Variants in CENPM observed in about 807,000 individuals in gnomAD.
CENPM encodes the protein interphase centromere complex protein 39.
Under a neutral mutation model 19.6 loss-of-function variants are expected in CENPM, and 14 were observed. The ratio of observed to expected loss-of-function variants is 0.71; its 90% CI spans 0.47 to 1.11. The LOEUF is 1.11. CENPM is among the 50% of genes most tolerant of loss of function. The pLI, the probability that CENPM is intolerant of heterozygous loss-of-function variation, is 0.00. For synonymous variants in CENPM, 114 were observed against 101.5 expected, an observed-to-expected ratio of 1.12 and a Z score of -0.74; for missense variants, 239 against 228.4, an observed-to-expected ratio of 1.05 and a Z score of -0.30.
In CENPM at chr22:41,939,008, G is replaced by C. The variant is rs2077699719; in HGVS notation, c.*48C>G. 1.3e-5 allele frequency: 21 copies of C among 1,603,242 alleles called. No homozygotes were observed. Among genetic ancestry groups the C allele is most frequent in the Non-Finnish European group, 1.8e-5 (21 of 1,174,522 alleles). On this transcript the variant is annotated 3_prime_UTR_variant, in exon 6 of 6. Transcript: ENST00000215980. ...ACATCCTCAACAGAGAATGTTTATG[G>C]AGTCAGCACGAAGCCATGAGAAGGG...
At chr22:41,946,548 G>A in intron 1 of CENPM, 52 bp from the exon 2 acceptor site, 2 of 1,507,828 alleles carry the variant, frequency 1.3e-6, no homozygotes, top group Non-Finnish European at 1.8e-6. Flanking sequence ...GCACCCCCTG[G>A]GGAGGGCCTG....
At chr22:41,942,547 G>A (rs1256578105) in intron 5 of CENPM, among the ~76,000 whole-genome samples, 6 of 152,086 alleles carry the variant, frequency 3.9e-5, no homozygotes, top group Admixed American at 3.9e-4. Flanking sequence ...TCAGGAGATT[G>A]AGACCATCCT....
intron 5 of CENPM, chr22:41,940,233 A>T (rs73165147): frequency 2.8e-6 from 2 of 726,062 alleles, no homozygotes; most frequent in Middle Eastern, 2.3e-4. Flanking sequence ...TACTTCCTTC[A>T]GGTCTTTATT....
At chr22:41,938,144 T>TC (rs1347351244), downstream of CENPM, among the ~76,000 whole-genome samples, 18 of 147,924 alleles carry the variant, frequency 1.2e-4, no homozygotes, top group Non-Finnish European at 2.2e-4. Flanking sequence ...GCCCAGCATT[T>TC]TTTTTTTTTT....
At chr22:41,932,110 G>A in the CENPM span, among the ~76,000 whole-genome samples, 2 of 151,948 alleles carry the variant, frequency 1.3e-5, no homozygotes, top group African/African-American at 4.8e-5. This position sits in a 1 kb window ranked among gnomAD's most constrained non-coding sequence, Gnocchi z 4.3. Flanking sequence ...CCAGGAATGG[G>A]GTCAGCAGTG....
intron 5 of CENPM, chr22:41,940,182 CT>C: frequency 1.3e-6 from 1 of 767,166 alleles, no homozygotes; most frequent in Non-Finnish European, 2.4e-6. Flanking sequence ...CATGCACTTG[CT>C]GTTCCTCCTT....
chr22:41,933,746 G>T (rs916724964), downstream of CENPM, among the ~76,000 whole-genome samples: 1 of 152,192 alleles, frequency 6.6e-6, no homozygotes, highest in Non-Finnish European at 1.5e-5. Context: ...GGGTACACTG[G>T]AGGGGAGGGG....
chr22:41,929,381 G>T, the CENPM span, among the ~76,000 whole-genome samples: 1 of 152,220 alleles, frequency 6.6e-6, no homozygotes, highest in Admixed American at 6.5e-5. Flanking sequence ...ACTGAGGCTT[G>T]TGGGAACCCA....
chr22:41,932,672 A>T, the CENPM span, among the ~76,000 whole-genome samples: 3 of 152,182 alleles, frequency 2.0e-5, no homozygotes, highest in South Asian at 6.2e-4. This position sits in a 1 kb window ranked among gnomAD's most constrained non-coding sequence, Gnocchi z 4.3. Context: ...GGCAGACCAC[A>T]GCCCTTTAGC....
At chr22:41,936,616 G>A (rs534295480), downstream of CENPM, among the ~76,000 whole-genome samples, 5 of 152,310 alleles carry the variant, frequency 3.3e-5, no homozygotes, top group South Asian at 2.1e-4. Context: ...GCCCAGCTGC[G>A]ATGGTGACAT....
rs565708134 is a variant in CENPM, at chr22:41,944,670, A to C, written c.310+555T>G. 25 of 985,314 alleles carry C rather than the reference A, an allele frequency of 2.5e-5. No individual in the cohort carries two copies. In the South Asian group the frequency reaches 1.1e-3, roughly 44 times the overall value. 61.0% of individuals were successfully genotyped at this position (985,314 alleles called of 1,614,324 possible). A position where few individuals can be genotyped will look rare whatever the true frequency, so the allele number is the denominator to read the frequency against. On this transcript the variant is annotated intron_variant, in intron 4 of 5. Transcript: ENST00000215980. ...TATTATTTTCACTGTTAATATTACA[A>C]AGTCTCAGGAACAGCAGGACTTTTT...
chr22:41,946,556 C>G, intron 1 of CENPM, 60 bp from the exon 2 acceptor site: 2 of 1,462,136 alleles, frequency 1.4e-6, no homozygotes, highest in South Asian at 1.2e-5. Context: ...TGGGGAGGGC[C>G]TGGCCCTTCG....
Position 41,945,309 on chromosome 22 carries a change from G to C in CENPM, c.231-5C>G. On this transcript the variant is annotated splice_region_variant and splice_polypyrimidine_tract_variant and intron_variant, in intron 3 of 5. Coordinates refer to ENST00000215980, the MANE Select transcript of CENPM (RefSeq NM_024053.5). ...GACTCCTCTGTGTTCTGGAGACTGG[G>C]GTGGCCAGGCCAGGGTGAGAAAACA... The C allele has an allele frequency of 6.2e-7, 1 of 1,613,950 alleles. No individual in the cohort carries two copies. Among genetic ancestry groups the C allele is most frequent in the Non-Finnish European group, 8.5e-7 (1 of 1,179,988 alleles).
At chr22:41,942,945 GACA>G (rs150317302) in intron 5 of CENPM, among the ~76,000 whole-genome samples, 71 of 151,474 alleles carry the variant, frequency 4.7e-4, no homozygotes, top group Admixed American at 3.3e-4. Context: ...AAACAATAAC[GACA>G]ACAACAACAA....
At chr22:41,945,165 C>A in intron 4 of CENPM, 60 bp downstream of exon 4, 1 of 1,610,990 alleles carries the variant, frequency 6.2e-7, no homozygotes, top group Non-Finnish European at 8.5e-7. Flanking sequence ...AAGAAGCCTA[C>A]GGCCGCCCCA....
intron 4 of CENPM, 127 bp downstream of exon 4, chr22:41,945,097 CG>C: frequency 6.5e-7 from 1 of 1,544,910 alleles, no homozygotes. Context: ...CTCCACCCTC[CG>C]ATAGGCCCCA....
the CENPM span, among the ~76,000 whole-genome samples, chr22:41,931,197 G>A: frequency 6.6e-6 from 1 of 151,540 alleles, no homozygotes; most frequent in Non-Finnish European, 1.5e-5. Flanking sequence ...GGCCTGGTGT[G>A]GTGGCTCATG....
downstream of CENPM, among the ~76,000 whole-genome samples, chr22:41,933,993 C>T (rs1249401776): frequency 6.6e-6 from 1 of 152,230 alleles, no homozygotes; most frequent in African/African-American, 2.4e-5. Context: ...CCTCACAAGA[C>T]CTGAAAAGGG....
chr22:41,946,734 T>G (rs2077809240), intron 1 of CENPM: 1 of 594,002 alleles, frequency 1.7e-6, no homozygotes, highest in Admixed American at 3.0e-5. Context: ...ACCGCCGGCC[T>G]CTCCAGGAGG....
Sources: allele counts gnomAD v4.1 joint callset (sites outside exome capture counted in the v4.1 genomes callset), GRCh38; gene constraint gnomAD v4.1.1; non-coding constraint Gnocchi (gnomAD v3.1); transcripts MANE v1.5; gene names NCBI Gene and HGNC (gene_info 2026-07-23, HGNC 2026-07-21).